TXNRD2: variants seen among roughly 807,000 people sequenced by gnomAD.
TXNRD2 encodes the protein thioredoxin reductase 2, mitochondrial.
A neutral mutation model predicts 70.8 loss-of-function variants in TXNRD2; 67 were observed. That is an observed-to-expected ratio of 0.95 (90% CI 0.78 to 1.16). The LOEUF (loss-of-function observed/expected upper bound fraction) is 1.16, where lower values mean the gene tolerates loss of function less well. Among genes scored for constraint, TXNRD2 ranks in the 50% most tolerant of loss-of-function variants. TXNRD2 has a pLI of 0.00. For missense variants in TXNRD2, 644 were observed against 719.9 expected (o/e 0.89, Z 1.21); for synonymous variants, 301 against 295.8 (o/e 1.02, Z -0.18).
intron 16 of TXNRD2, 28 bp from the exon 17 acceptor site, chr22:19,877,262 C>T (rs773630086): frequency 5.1e-5 from 81 of 1,589,202 alleles, no homozygotes; most frequent in African/African-American, 1.6e-4. Flanking sequence ...GGGAGGCAGG[C>T]GGGGTCAGCA....
At chr22:19,890,258 T>C (rs1214169368) in intron 11 of TXNRD2, among the ~76,000 whole-genome samples, 1 of 152,198 alleles carries the variant, frequency 6.6e-6, no homozygotes, top group Non-Finnish European at 1.5e-5. Context: ...AAGAGCTCCA[T>C]GAATGTTCAT....
At chr22:19,882,267 C>T (rs1475357940) in intron 12 of TXNRD2, among the ~76,000 whole-genome samples, 3 of 152,318 alleles carry the variant, frequency 2.0e-5, no homozygotes, top group South Asian at 2.1e-4. Flanking sequence ...TCTTGGCTCA[C>T]GGTAACCTCC....
chr22:19,934,501 A>C (rs895927727), intron 1 of TXNRD2, among the ~76,000 whole-genome samples: 15 of 152,054 alleles, frequency 9.9e-5, no homozygotes, highest in Non-Finnish European at 1.3e-4. Context: ...AGGAACATAA[A>C]TAGTGAAGAT....
chr22:19,895,453 G>C lies in TXNRD2; in HGVS notation c.903C>G (p.Thr301=). The C allele has an allele frequency of 6.2e-7, 1 of 1,613,934 alleles. No individual in the cohort carries two copies. Among genetic ancestry groups the C allele is most frequent in the Non-Finnish European group, 8.5e-7 (1 of 1,179,996 alleles). ...QLQVTWEDST[T]GKEDTGTFDT... is the part of the protein sequence containing the mutation. ...CAAAGGTGCCCGTGTCCTCCTTGCC[G>C]GTGGTGCTGTCCTCCCAGGTGACCT... The change falls in exon 11 of 18, where the codon ACC becomes ACG. Residue 301 remains threonine, a synonymous_variant. Transcript: ENST00000400521.
chr22:19,929,183 C>T (rs1362097243), intron 2 of TXNRD2, among the ~76,000 whole-genome samples: 3 of 151,600 alleles, frequency 2.0e-5, no homozygotes, highest in Non-Finnish European at 4.4e-5. Context: ...AAAAATTAGC[C>T]GGGCGTGGTG....
At chr22:19,914,324 T>C (rs1328545107) in intron 7 of TXNRD2, among the ~76,000 whole-genome samples, 2 of 152,204 alleles carry the variant, frequency 1.3e-5, no homozygotes, top group African/African-American at 2.4e-5. Flanking sequence ...CTATTCATAA[T>C]AGCTAAAAAG....
chr22:19,939,234 T>C (rs886101529), intron 1 of TXNRD2, among the ~76,000 whole-genome samples: 3 of 152,184 alleles, frequency 2.0e-5, no homozygotes, highest in Non-Finnish European at 4.4e-5. Flanking sequence ...GAAACTGGCA[T>C]GCCAAATCAA....
intron 5 of TXNRD2, 101 bp from the exon 6 acceptor site, chr22:19,915,944 G>T: frequency 9.5e-7 from 1 of 1,057,558 alleles, no homozygotes; most frequent in Non-Finnish European, 1.4e-6. Context: ...CCAGCCCCCA[G>T]CAGGGCCTGG....
intron 14 of TXNRD2, 143 bp downstream of exon 14, chr22:19,880,036 T>C (rs1938690843): frequency 1.2e-6 from 1 of 868,500 alleles, no homozygotes; most frequent in African/African-American, 1.7e-5. Flanking sequence ...CCCCAACGTG[T>C]CCCTTCCCGC....
At chr22:19,880,032 C>T (rs1938690609) in intron 14 of TXNRD2, 147 bp downstream of exon 14, 6 of 839,664 alleles carry the variant, frequency 7.1e-6, no homozygotes, top group East Asian at 2.7e-5. Context: ...CTGCCCCCAA[C>T]GTGTCCCTTC....
intron 5 of TXNRD2, 25 bp downstream of exon 5, chr22:19,918,118 C>T (rs1940717771): frequency 1.2e-6 from 2 of 1,609,768 alleles, no homozygotes; most frequent in Non-Finnish European, 1.7e-6. Context: ...AGAGGGCGGC[C>T]CATTCCCGGA....
chr22:19,888,444 C>T (rs1275698165), intron 11 of TXNRD2, among the ~76,000 whole-genome samples: 1 of 152,240 alleles, frequency 6.6e-6, no homozygotes, highest in Non-Finnish European at 1.5e-5. Context: ...GTATCATGCG[C>T]CTCTCTCATC....
Position 19,911,388 on chromosome 22 carries a change from G to A in TXNRD2, c.651C>T (p.Ser217=). 6.2e-7 allele frequency: 1 copy of A among 1,613,912 alleles called. No homozygotes were observed. The highest frequency in any genetic ancestry group is 1.1e-5 in the South Asian group (1 of 91,078). Residue 217 remains serine (S), a synonymous_variant, in exon 8 of 18, where the codon TCC becomes TCT. Coordinates refer to ENST00000400521, the MANE Select transcript of TXNRD2 (RefSeq NM_006440.5). The part of the protein sequence containing the change: ...TSDDIFWLKE[S]PGKTLVVGAS... ...CGCGCAGGCCTTACGTTTTTCCAGG[G>A]GATTCCTTCAGCCAGAAGATGTCAT...
chr22:19,878,537 G>T (rs1938614535), intron 14 of TXNRD2, 100 bp from the exon 15 acceptor site: 3 of 1,114,318 alleles, frequency 2.7e-6, no homozygotes, highest in Non-Finnish European at 4.1e-6. Context: ...GGTCATGGCG[G>T]GCAGGAACCA....
At chr22:19,931,365 C>T (rs1300804589) in intron 1 of TXNRD2, among the ~76,000 whole-genome samples, 1 of 152,180 alleles carries the variant, frequency 6.6e-6, no homozygotes, top group Non-Finnish European at 1.5e-5. Flanking sequence ...CAAACCTCAC[C>T]CAGTGTTCTC....
At chr22:19,916,045 T>C in intron 5 of TXNRD2, 1 of 576,236 alleles carries the variant, frequency 1.7e-6, no homozygotes, top group Non-Finnish European at 3.1e-6. Flanking sequence ...CCCCCAGGGA[T>C]CCCAGGGACA....
chr22:19,920,900 A>T (rs1940879612), intron 2 of TXNRD2, among the ~76,000 whole-genome samples: 1 of 152,188 alleles, frequency 6.6e-6, no homozygotes, highest in Non-Finnish European at 1.5e-5. Flanking sequence ...CAGGAGATCG[A>T]GAACATCCTG....
chr22:19,913,804 G>A (rs148409277), intron 7 of TXNRD2, among the ~76,000 whole-genome samples: 22 of 151,916 alleles, frequency 1.4e-4, no homozygotes, highest in African/African-American at 4.6e-4. Flanking sequence ...TCTGCTGCCT[G>A]TTGAGTGTGG....
At chr22:19,899,020 A>G in intron 9 of TXNRD2, 29 bp downstream of exon 9, 1 of 1,605,010 alleles carries the variant, frequency 6.2e-7, no homozygotes, top group Non-Finnish European at 8.5e-7. Flanking sequence ...AGTTCCCAGG[A>G]CGGCCACCTG....
Sources: allele counts gnomAD v4.1 joint callset (sites outside exome capture counted in the v4.1 genomes callset), GRCh38; gene constraint gnomAD v4.1.1; transcripts MANE v1.5; gene names NCBI Gene and HGNC (gene_info 2026-07-23, HGNC 2026-07-21).